CCDC148: variants seen among roughly 807,000 people sequenced by gnomAD.
The protein encoded by CCDC148 is coiled-coil domain-containing protein 148.
A neutral mutation model predicts 85.7 loss-of-function variants in CCDC148; 89 were observed. The observed-to-expected ratio is 1.04, with a 90% CI of 0.87 to 1.24. The LOEUF (loss-of-function observed/expected upper bound fraction) is 1.24. Among genes scored for constraint, CCDC148 ranks in the 50% most tolerant of loss-of-function variants. CCDC148 has a pLI of 0.00. For missense variants in CCDC148, 692 were observed against 671.7 expected (o/e 1.03, Z -0.33); for synonymous variants, 230 against 213.9 (o/e 1.08, Z -0.66).
chr2:158,282,079 G>C (rs199936278), intron 9 of CCDC148, among the ~76,000 whole-genome samples: 45,416 of 149,414 alleles, frequency 0.3, 7,560 homozygotes, highest in Middle Eastern at 0.45. Flanking sequence ...ATTCAACAAC[G>C]CTTCATGCTA....
At chr2:158,361,603 A>C (rs10183780) in intron 1 of CCDC148, among the ~76,000 whole-genome samples, 26,812 of 151,866 alleles carry the variant, frequency 0.18, 3,837 homozygotes, top group African/African-American at 0.4. Context: ...GAAATAAAAT[A>C]CTTTACAGAC....
Position 158,278,420 on chromosome 2 carries a change from C to A in CCDC148, c.1111-27508G>T, listed in dbSNP as rs192720838. ...CACCTGGAAAATCGGGTCACTCCCACCCTAATACCGCACTTTTCCGATGGG... is the reference window on the plus strand; with the variant it reads ...CACCTGGAAAATCGGGTCACTCCCAACCTAATACCGCACTTTTCCGATGGG... On this transcript the variant is annotated intron_variant, in intron 9 of 13. Coordinates refer to ENST00000283233, the MANE Select transcript of CCDC148 (RefSeq NM_138803.4). Among the ~76,000 whole-genome samples, 546 of 152,302 alleles carry A rather than the reference C, an allele frequency of 3.6e-3. 1 individual carries two copies. The highest frequency in any genetic ancestry group is 6.1e-3 in the Non-Finnish European group (412 of 68,038).
chr2:158,216,937 C>T (rs1317524867), intron 11 of CCDC148, among the ~76,000 whole-genome samples: 1 of 152,054 alleles, frequency 6.6e-6, no homozygotes, highest in Admixed American at 6.6e-5. Context: ...TTTATATCCT[C>T]AAGGTACAGA....
intron 11 of CCDC148, among the ~76,000 whole-genome samples, chr2:158,191,600 A>G (rs926025375): frequency 9.9e-5 from 15 of 152,030 alleles, no homozygotes; most frequent in African/African-American, 3.6e-4. Context: ...TAAAAAAACA[A>G]ATGATAAAAT....
rs992624539 is a variant in CCDC148 at position 158,246,558 on chromosome 2, T to G, written c.1251+4214A>C. 3.9e-5 allele frequency among the ~76,000 whole-genome samples: 6 copies of G among 152,158 alleles called. No homozygotes were observed. The East Asian group carries it at 9.7e-4, about 25-fold the overall frequency. On this transcript the variant is annotated intron_variant, in intron 10 of 13. Transcript: ENST00000283233. ...TAAAGTCAGAGCAGTCAGAGAGAGC[T>G]GAAGCCTAAGGACTTGAGGAAAACT...
chr2:158,256,728 C>G (rs1689026656), intron 9 of CCDC148, among the ~76,000 whole-genome samples: 1 of 151,778 alleles, frequency 6.6e-6, no homozygotes, highest in African/African-American at 2.4e-5. Context: ...CTGTCTACTT[C>G]ACACTTCATC....
chr2:158,250,643 T>C, intron 10 of CCDC148, 129 bp downstream of exon 10: 1 of 1,296,894 alleles, frequency 7.7e-7, no homozygotes, highest in Non-Finnish European at 1.0e-6. Flanking sequence ...AGATAAAACA[T>C]TCCACTAGAT....
chr2:158,263,311 T>G (rs992643478), intron 9 of CCDC148, among the ~76,000 whole-genome samples: 3 of 152,042 alleles, frequency 2.0e-5, no homozygotes, highest in Admixed American at 6.6e-5. Context: ...CCTGTTCTTT[T>G]TACCTCCCAC....
At chr2:158,200,465 T>C (rs1188320697) in intron 11 of CCDC148, among the ~76,000 whole-genome samples, 1 of 152,198 alleles carries the variant, frequency 6.6e-6, no homozygotes, top group Admixed American at 6.6e-5. Flanking sequence ...TAAAGTTTTA[T>C]TGGCACATAG....
intron 1 of CCDC148, among the ~76,000 whole-genome samples, chr2:158,449,737 C>A (rs948024997): frequency 6.6e-6 from 1 of 152,236 alleles, no homozygotes; most frequent in Non-Finnish European, 1.5e-5. Flanking sequence ...GCATGAGCCA[C>A]CATGCTTGGC....
intron 1 of CCDC148, among the ~76,000 whole-genome samples, chr2:158,391,179 A>T (rs77072262): frequency 0.055 from 8,327 of 152,230 alleles, 437 homozygotes; most frequent in African/African-American, 0.13. Context: ...GCCTCTTGTG[A>T]TGATGAACCG....
chr2:158,422,981 T>C (rs545778103), intron 1 of CCDC148, among the ~76,000 whole-genome samples: 24 of 152,172 alleles, frequency 1.6e-4, no homozygotes, highest in African/African-American at 5.3e-4. Flanking sequence ...CCATTCAGAA[T>C]TGCTTCAAAG....
At chr2:158,434,085 C>T (rs1163581386) in intron 1 of CCDC148, among the ~76,000 whole-genome samples, 1 of 152,196 alleles carries the variant, frequency 6.6e-6, no homozygotes. Context: ...CTTCTACAAA[C>T]TTAAACGTCC....
chr2:158,179,166 ATTTT>A (rs10699879), intron 11 of CCDC148, among the ~76,000 whole-genome samples, 170 bp from the exon 12 acceptor site: 5 of 82,824 alleles, frequency 6.0e-5, no homozygotes, highest in South Asian at 4.9e-4. Context: ...ATAAAATGCA[ATTTT>A]TTTTTTTTTT....
chr2:158,421,304 C>G (rs1481531500), intron 1 of CCDC148, among the ~76,000 whole-genome samples: 2 of 152,208 alleles, frequency 1.3e-5, no homozygotes, highest in East Asian at 3.9e-4. Context: ...AGCACCACAT[C>G]ACACTTATTC....
chr2:158,286,478 A>T (rs530404132), intron 9 of CCDC148, among the ~76,000 whole-genome samples: 1 of 152,232 alleles, frequency 6.6e-6, no homozygotes, highest in East Asian at 1.9e-4. Context: ...ACAACCCTCA[A>T]TAGGACTTCT....
chr2:158,279,530 T>C (rs911857914), intron 9 of CCDC148, among the ~76,000 whole-genome samples: 18 of 152,180 alleles, frequency 1.2e-4, no homozygotes, highest in African/African-American at 3.9e-4. Context: ...GTATCAGTGA[T>C]GGAAGATGAA....
chr2:158,200,194 C>A (rs1217938161), intron 11 of CCDC148, among the ~76,000 whole-genome samples: 1 of 152,172 alleles, frequency 6.6e-6, no homozygotes. Flanking sequence ...TTACATCTCA[C>A]TGGTTTATTT....
chr2:158,235,750 A>C (rs1688073243), intron 10 of CCDC148: 1 of 152,184 alleles, frequency 6.6e-6, no homozygotes, highest in Non-Finnish European at 1.5e-5. Context: ...GCACACTGAA[A>C]ATTAGGATAA....
Sources: gnomAD v4.1 joint callset for allele counts (sites outside exome capture counted in the v4.1 genomes callset) on GRCh38, gnomAD v4.1.1 for gene constraint, MANE v1.5 for transcripts, NCBI Gene and HGNC (gene_info 2026-07-23, HGNC 2026-07-21) for gene names.